The following MRPS6 variants were observed in gnomAD, a reference collection of about 807,000 sequenced individuals.
The protein encoded by MRPS6 is small ribosomal subunit protein bS6m.
Under a neutral mutation model 13.1 loss-of-function variants are expected in MRPS6, and 6 were observed. That is an observed-to-expected ratio of 0.46 (90% CI 0.25 to 0.91). The LOEUF is 0.91. Among genes scored for constraint, MRPS6 ranks in the 40% least tolerant of loss-of-function variants. The pLI, the probability that MRPS6 is intolerant of heterozygous loss-of-function variation, is 0.18. For synonymous variants in MRPS6, 61 were observed against 56.5 expected (o/e 1.08, Z -0.36); for missense variants, 164 against 155.6 (o/e 1.05, Z -0.29).
chr21:34,110,597 T>C (rs1383005492), intron 1 of MRPS6, among the ~76,000 whole-genome samples: 15 of 152,232 alleles, frequency 9.9e-5, no homozygotes, highest in Admixed American at 9.8e-4. Context: ...AAATGACACA[T>C]GTATGGTGTA....
intron 2 of MRPS6, among the ~76,000 whole-genome samples, chr21:34,138,181 G>A (rs71326992): frequency 2.9e-3 from 445 of 151,808 alleles, no homozygotes; most frequent in Non-Finnish European, 4.5e-3. Flanking sequence ...AGTAGGTTGC[G>A]AAAATTTTCT....
At chr21:34,093,238 A>AT (rs761174952) in intron 1 of MRPS6, among the ~76,000 whole-genome samples, 6,347 of 130,206 alleles carry the variant, frequency 0.049, 186 homozygotes, top group African/African-American at 0.09. Context: ...AACTTTTAAG[A>AT]TTTTTTTTTT....
chr21:34,140,711 G>T (rs1267341931), intron 2 of MRPS6, among the ~76,000 whole-genome samples: 2 of 152,100 alleles, frequency 1.3e-5, no homozygotes, highest in African/African-American at 4.8e-5. Flanking sequence ...GTTCAGTTCT[G>T]CTGTTCTTAT....
chr21:34,093,023 T>TC (rs1978784801), intron 1 of MRPS6, among the ~76,000 whole-genome samples: 1 of 152,210 alleles, frequency 6.6e-6, no homozygotes, highest in Admixed American at 6.5e-5. Context: ...TTGACAAGCT[T>TC]CCCTTATGCA....
At chr21:34,124,603 T>TG (rs1250777797) in intron 1 of MRPS6, 2 of 151,802 alleles carry the variant, frequency 1.3e-5, no homozygotes, top group Non-Finnish European at 1.5e-5. Context: ...ACCCCATCAC[T>TG]GGGGCTCAGT....
chr21:34,100,512 T>C, intron 1 of MRPS6: 1 of 1,000,222 alleles, frequency 1.0e-6, no homozygotes, highest in Non-Finnish European at 1.2e-6. Flanking sequence ...AGATCTCATC[T>C]CCTAGGGCTT....
intron 1 of MRPS6, chr21:34,103,065 A>G: frequency 1.0e-6 from 1 of 1,000,122 alleles, no homozygotes; most frequent in Non-Finnish European, 1.2e-6. Context: ...TGGAATGTTC[A>G]TTAGTAACTC....
At chr21:34,084,795 T>C (rs1386643714) in intron 1 of MRPS6, among the ~76,000 whole-genome samples, 1 of 152,238 alleles carries the variant, frequency 6.6e-6, no homozygotes, top group East Asian at 1.9e-4. Flanking sequence ...TTCTTTATCT[T>C]AAAATTTTTT....
At chr21:34,136,779 T>G (rs1243117837) in intron 2 of MRPS6, among the ~76,000 whole-genome samples, 2 of 152,212 alleles carry the variant, frequency 1.3e-5, no homozygotes, top group East Asian at 3.8e-4. Flanking sequence ...ATCTAATTTA[T>G]CAATTTTTTC....
At chr21:34,117,930 G>C (rs1469445963) in intron 1 of MRPS6, among the ~76,000 whole-genome samples, 2 of 152,082 alleles carry the variant, frequency 1.3e-5, no homozygotes, top group Admixed American at 1.3e-4. Flanking sequence ...ATATTCACGA[G>C]TGCTTTTTAG....
chr21:34,103,276 G>A, intron 1 of MRPS6: 1 of 984,586 alleles, frequency 1.0e-6, no homozygotes, highest in African/African-American at 1.8e-5. Flanking sequence ...ATTTGTATTT[G>A]TTATTCCTCT....
chr21:34,089,068 C>T (rs1162544309), intron 1 of MRPS6, among the ~76,000 whole-genome samples: 1 of 151,986 alleles, frequency 6.6e-6, no homozygotes, highest in Non-Finnish European at 1.5e-5. Context: ...GCTCTGTTGC[C>T]CAGGCTGGAG....
chr21:34,102,455 A>G (rs1979286373), intron 1 of MRPS6: 9 of 1,000,166 alleles, frequency 9.0e-6, no homozygotes, highest in African/African-American at 1.7e-5. Flanking sequence ...TAATTTATCC[A>G]GTAACCAACA....
chr21:34,100,857 A>G lies in MRPS6; in HGVS notation c.46-24484A>G, dbSNP rs899387974. On this transcript the variant is annotated intron_variant, in intron 1 of 2. Coordinates refer to ENST00000399312, the MANE Select transcript of MRPS6 (RefSeq NM_032476.4). ...GGTTATTTTCATTCTTTACCACCAA[A>G]TAAAGCGGCTTATTAGCTACTCAGT... 5.0e-6 allele frequency: 5 copies of G among 1,000,154 alleles called. No homozygotes were observed. The African/African-American group carries it at 8.7e-5, about 17-fold the overall frequency. 62.0% of individuals were successfully genotyped at this position (1,000,154 alleles called of 1,614,324 possible).
intron 1 of MRPS6, among the ~76,000 whole-genome samples, chr21:34,109,361 C>T (rs1602945585): frequency 6.6e-6 from 1 of 152,256 alleles, no homozygotes; most frequent in Middle Eastern, 3.4e-3. Flanking sequence ...TGGGTTAAGT[C>T]CTGCGATATC....
intron 1 of MRPS6, among the ~76,000 whole-genome samples, chr21:34,112,738 C>T (rs1195696799): frequency 6.6e-6 from 1 of 152,136 alleles, no homozygotes; most frequent in Non-Finnish European, 1.5e-5. Flanking sequence ...ACCACCTAAG[C>T]CTCTGGTAAC....
chr21:34,101,501 A>G, intron 1 of MRPS6: 1 of 1,000,176 alleles, frequency 1.0e-6, no homozygotes, highest in Non-Finnish European at 1.2e-6. Context: ...ACTTCTTTAC[A>G]AATGGGATCT....
intron 2 of MRPS6, among the ~76,000 whole-genome samples, chr21:34,126,854 A>AAC (rs1010270831): frequency 2.0e-5 from 3 of 152,184 alleles, no homozygotes; most frequent in Admixed American, 2.0e-4. Flanking sequence ...GATCTGCACT[A>AAC]ACACGTAGCC....
chr21:34,092,724 T>C (rs553837438), intron 1 of MRPS6, among the ~76,000 whole-genome samples: 4 of 152,306 alleles, frequency 2.6e-5, no homozygotes, highest in Non-Finnish European at 4.4e-5. Context: ...TCTGAACAAA[T>C]AAGCTGCAGC....
Sources: allele counts gnomAD v4.1 joint callset (sites outside exome capture counted in the v4.1 genomes callset), GRCh38; gene constraint gnomAD v4.1.1; transcripts MANE v1.5; gene names NCBI Gene and HGNC (gene_info 2026-07-23, HGNC 2026-07-21).